CLPTM1L: variants seen among roughly 807,000 people sequenced by gnomAD.
CLPTM1L encodes lipid scramblase CLPTM1L.
CLPTM1L carries 38 observed loss-of-function variants against 70.9 expected under a neutral mutation model. The ratio of observed to expected loss-of-function variants is 0.54; its 90% confidence interval spans 0.41 to 0.70. The LOEUF (loss-of-function observed/expected upper bound fraction) is 0.70. CLPTM1L is among the 30% of genes least tolerant of loss of function. The probability of loss-of-function intolerance (pLI) is 0.00; values close to 1 mark genes in which losing one functional copy is unlikely to be tolerated. For synonymous variants in CLPTM1L, 339 were observed against 299.9 expected, an observed-to-expected ratio of 1.13 and a Z score of -1.35; for missense variants, 652 against 705.9, an observed-to-expected ratio of 0.92 and a Z score of 0.87.
intron 13 of CLPTM1L, 57 bp from the exon 14 acceptor site, chr5:1,321,876 G>C (rs937033819): frequency 1.3e-6 from 2 of 1,502,636 alleles, no homozygotes; most frequent in African/African-American, 2.8e-5. Flanking sequence ...CCACATCTAC[G>C]CACAGACGGC....
In CLPTM1L at chr5:1,321,578, G is replaced by A. The variant is rs1021723720; in HGVS notation, c.1416+57C>T. ...CCAGTAATGCTGTTGGCTGGAAGAC[G>A]CCCTTGCTCACGCTCTGCTCAGTGA... On this transcript the variant is annotated intron_variant, in intron 15 of 16. Transcript: ENST00000320895. 25 of 1,491,298 alleles carry A rather than the reference G, an allele frequency of 1.7e-5. No individual in the cohort carries two copies. In the Admixed American group the frequency reaches 2.2e-4, roughly 13 times the overall value. The allele number at this position is 1,491,298 out of a possible 1,614,324, so 92.4% of individuals were successfully genotyped here.
chr5:1,338,582 C>T (rs535956150), intron 4 of CLPTM1L, among the ~76,000 whole-genome samples: 4 of 152,346 alleles, frequency 2.6e-5, no homozygotes, highest in South Asian at 2.1e-4. Flanking sequence ...CAAAGCAACC[C>T]GTTCCCATCA....
chr5:1,328,642 A>G (rs1483153078), intron 9 of CLPTM1L, among the ~76,000 whole-genome samples: 1 of 150,444 alleles, frequency 6.6e-6, no homozygotes, highest in Non-Finnish European at 1.5e-5. Flanking sequence ...CTCCTCCTCT[A>G]CAGACAGTTT....
rs3222913 is a variant in CLPTM1L, at chr5:1,342,039, T to TGTGTGTGTGTGTGTGTGTGTGCGCGC, written c.264-180_264-179insGCGCGCACACACACACACACACACAC. On this transcript the variant is annotated intron_variant, in intron 2 of 16. Transcript: ENST00000320895. The surrounding 1 kb of genome is among the most constrained non-coding windows in gnomAD (Gnocchi z 4.3). ...GTGTGTGTGTGTGTGTGTGTGTGTG[T>TGTGTGTGTGTGTGTGTGTGTGCGCGC]GCACGCGCACGCGTGCGCGTCCTGA... Among the ~76,000 whole-genome samples the TGTGTGTGTGTGTGTGTGTGTGCGCGC allele has an allele frequency of 1.3e-5, 2 of 148,976 alleles. No homozygotes were observed. The highest frequency in any genetic ancestry group is 5.0e-5 in the African/African-American group (2 of 39,664).
chr5:1,323,360 C>T (rs1752290414), intron 12 of CLPTM1L, among the ~76,000 whole-genome samples: 1 of 127,760 alleles, frequency 7.8e-6, no homozygotes, highest in African/African-American at 2.6e-5. Flanking sequence ...GCTCCGGGAT[C>T]CCTCTTGGCT....
rs768913568 is a variant in CLPTM1L, at chr5:1,318,696, G to A, written c.1533-243C>T. On this transcript the variant is annotated intron_variant, in intron 16 of 16. Transcript: ENST00000320895. This position sits in a 1 kb window ranked among gnomAD's most constrained non-coding sequence, Gnocchi z 8.9. ...GAAAGGGAAGCTTGGCCGAAGGGAC[G>A]ACCCGGAGGCTGCACGGGCTGCCAT... 6.6e-5 allele frequency among the ~76,000 whole-genome samples: 10 copies of A among 152,102 alleles called. No homozygotes were observed. The highest frequency in any genetic ancestry group is 1.3e-4 in the Admixed American group (2 of 15,272).
chr5:1,318,015 T>A lies in CLPTM1L; in HGVS notation c.*354A>T, dbSNP rs11557117. The A allele has an allele frequency of 1.4e-5, 4 of 276,212 alleles. No individual in the cohort carries two copies. The highest frequency in any genetic ancestry group is 8.7e-5 in the African/African-American group (4 of 45,728). The allele number at this position is 276,212 out of a possible 1,614,324, so 17.1% of individuals were successfully genotyped here. On this transcript the variant is annotated 3_prime_UTR_variant, in exon 17 of 17. Coordinates refer to ENST00000320895, the MANE Select transcript of CLPTM1L (RefSeq NM_030782.5). The surrounding 1 kb of genome is among the most constrained non-coding windows in gnomAD (Gnocchi z 8.9). Reference sequence around the variant, plus strand: ...TGTTTGAAATTCACATAAGGAGCACTTAGAAAACCACCTGAAATGGAAATC... The same window carrying A: ...TGTTTGAAATTCACATAAGGAGCACATAGAAAACCACCTGAAATGGAAATC...
At chr5:1,328,936 G>GA (rs1752869141) in intron 9 of CLPTM1L, among the ~76,000 whole-genome samples, 1 of 104,026 alleles carries the variant, frequency 9.6e-6, no homozygotes, top group African/African-American at 4.5e-5. Flanking sequence ...TCCTCTACAG[G>GA]GACATTCCAT....
At chr5:1,329,202 G>A (rs1015827440) in intron 9 of CLPTM1L, among the ~76,000 whole-genome samples, 2 of 152,240 alleles carry the variant, frequency 1.3e-5, no homozygotes, top group Non-Finnish European at 2.9e-5. Context: ...CTTGCCCCAC[G>A]AGGCTCCCTT....
rs564518210 is a variant in CLPTM1L, at chr5:1,324,775, C to T, written c.1185G>A (p.Glu395=). 1.2e-6 allele frequency: 2 copies of T among 1,614,148 alleles called. No homozygotes were observed. Among genetic ancestry groups the T allele is most frequent in the African/African-American group, 1.3e-5 (1 of 75,070 alleles). ...TYSESERKTE[E]YDTQAMKYLS... is the part of the protein sequence containing the mutation. ...ACAAGTGACTTACCTGAGTATCGTA[C>T]TCCTCGGTTTTCCTCTCAGATTCGC... The change falls in exon 11 of 17, where the codon GAG becomes GAA. Residue 395 remains glutamate, a synonymous_variant. Transcript: ENST00000320895.
At chr5:1,338,088 C>G (rs1753697397) in intron 4 of CLPTM1L, 106 bp from the exon 5 acceptor site, 1 of 857,202 alleles carries the variant, frequency 1.2e-6, no homozygotes, top group Non-Finnish European at 1.9e-6. Context: ...CCCCCAGCAC[C>G]ACCCTCAACT....
At chr5:1,321,849 T>G (rs1477833861) in intron 13 of CLPTM1L, 30 bp from the exon 14 acceptor site, 1 of 1,604,144 alleles carries the variant, frequency 6.2e-7, no homozygotes, top group Non-Finnish European at 8.5e-7. Flanking sequence ...ACTCACGAGG[T>G]GCGGAGGGCC....
Position 1,341,813 on chromosome 5 carries a change from AGCGTCCCATTGTT to A in CLPTM1L, c.298_310del (p.Asn100CysfsTer27). ...GTGATGGAGGAAGATGTAGGCATAC[AGCGTCCCATTGTT>A]TCTCGTTTTCTTTGGTACAGAAACA... On this transcript the variant is annotated frameshift_variant, in exon 3 of 17. Coordinates refer to ENST00000320895, the MANE Select transcript of CLPTM1L (RefSeq NM_030782.5). LOFTEE classifies it high-confidence loss of function. The A allele has an allele frequency of 6.2e-7, 1 of 1,614,130 alleles. No homozygotes were observed. The highest frequency in any genetic ancestry group is 8.5e-7 in the Non-Finnish European group (1 of 1,179,996).
rs777021442 is a variant in CLPTM1L at position 1,337,959 on chromosome 5, T to C, written c.623A>G (p.His208Arg). 5.6e-6 allele frequency: 9 copies of C among 1,607,766 alleles called. No homozygotes were observed. The highest frequency in any genetic ancestry group is 7.6e-6 in the Non-Finnish European group (9 of 1,178,116). The change falls in exon 5 of 17, where the codon CAT becomes CGT. Residue 208 changes from histidine (H) to arginine (R), a missense_variant. His to Arg is a conservative substitution (Grantham distance 29, BLOSUM62 0). This residue lies in a region of CLPTM1L where 402 missense variants were observed against 388.2 expected (regional missense o/e 1.04). Coordinates refer to ENST00000320895, the MANE Select transcript of CLPTM1L (RefSeq NM_030782.5). ...GTCGATGAACAGGATGGGCAGGTAA[T>C]GCACGGTTTTCCCCAGCTGGATCCT... ...MKMIQLGKTVHYLPILFIDQL... is the reference protein window; with the variant it reads ...MKMIQLGKTVRYLPILFIDQL...
At chr5:1,334,479 C>G in intron 6 of CLPTM1L, 96 bp from the exon 7 acceptor site, 1 of 834,686 alleles carries the variant, frequency 1.2e-6, no homozygotes, top group Non-Finnish European at 1.9e-6. Context: ...TTAGGCCGGG[C>G]GCAGTGGCTC....
At chr5:1,344,530 G>T in intron 1 of CLPTM1L, 79 bp from the exon 2 acceptor site, 1 of 1,491,570 alleles carries the variant, frequency 6.7e-7, no homozygotes, top group Non-Finnish European at 9.3e-7. Flanking sequence ...CAGCTGGAGG[G>T]CGGAAGACCT....
At chr5:1,334,265 C>G (rs749945847) in intron 7 of CLPTM1L, 24 bp downstream of exon 7, 4 of 1,597,916 alleles carry the variant, frequency 2.5e-6, no homozygotes. Context: ...GTGCCTGCGG[C>G]AAGCCCCCCG....
chr5:1,343,239 G>C (rs1754059608), intron 2 of CLPTM1L, among the ~76,000 whole-genome samples: 1 of 152,062 alleles, frequency 6.6e-6, no homozygotes, highest in African/African-American at 2.4e-5. Flanking sequence ...AAACACAAAG[G>C]CATCTATGGC....
intron 7 of CLPTM1L, 147 bp downstream of exon 7, chr5:1,334,142 G>A: frequency 1.7e-6 from 1 of 572,160 alleles, no homozygotes; most frequent in Non-Finnish European, 3.1e-6. Context: ...TGTCAGGCGT[G>A]CTGGCTGCTG....
Sources: allele counts gnomAD v4.1 joint callset (sites outside exome capture counted in the v4.1 genomes callset), GRCh38; gene constraint gnomAD v4.1.1; regional missense constraint gnomAD v4.1.1; non-coding constraint Gnocchi (gnomAD v3.1); transcripts MANE v1.5; gene names NCBI Gene and HGNC (gene_info 2026-07-23, HGNC 2026-07-21).